The following PLXNC1 variants were observed in gnomAD, a reference collection of about 807,000 sequenced individuals.
The protein encoded by PLXNC1 is plexin-C1.
Under a neutral mutation model 178.2 loss-of-function variants are expected in PLXNC1, and 75 were observed. The observed-to-expected ratio is 0.42, with a 90% CI of 0.35 to 0.51. PLXNC1 has a LOEUF of 0.51. Among genes scored for constraint, PLXNC1 ranks in the 20% least tolerant of loss-of-function variants. PLXNC1 has a pLI of 0.02. For missense variants in PLXNC1, 1,503 were observed against 1,984.4 expected, an observed-to-expected ratio of 0.76 and a Z score of 4.61; for synonymous variants, 790 against 779.9, an observed-to-expected ratio of 1.01 and a Z score of -0.22.
chr12:94,207,613 C>A (rs567180613), intron 4 of PLXNC1, among the ~76,000 whole-genome samples: 2 of 152,310 alleles, frequency 1.3e-5, no homozygotes, highest in East Asian at 1.9e-4. Flanking sequence ...GACCTTCTCC[C>A]TTCTTTGAGG....
rs142574340 is a variant in PLXNC1 at position 94,174,016 on chromosome 12, A to G, written c.1203+4723A>G. On this transcript the variant is annotated intron_variant, in intron 2 of 30. Transcript: ENST00000258526. ...TTGAATGGTGTCAGCAGTAAAGACT[A>G]GTGTCTCCCCGACCTCCCAGGGACT... Among the ~76,000 whole-genome samples, 22 of 145,112 alleles carry G rather than the reference A, an allele frequency of 1.5e-4. 1 individual carries two copies. Among genetic ancestry groups the G allele is most frequent in the African/African-American group, 5.2e-4 (21 of 40,252 alleles).
At chr12:94,212,681 T>C (rs1963518295) in intron 5 of PLXNC1, among the ~76,000 whole-genome samples, 1 of 152,034 alleles carries the variant, frequency 6.6e-6, no homozygotes, top group Non-Finnish European at 1.5e-5. Flanking sequence ...TGCATAGTAT[T>C]CCATGGTGTA....
chr12:94,159,087 A>G (rs1961280958), intron 1 of PLXNC1, among the ~76,000 whole-genome samples: 1 of 152,236 alleles, frequency 6.6e-6, no homozygotes, highest in Non-Finnish European at 1.5e-5. Flanking sequence ...TTGTTCGAAT[A>G]CTTTCTTGAG....
chr12:94,249,931 G>C (rs866771756), intron 14 of PLXNC1, among the ~76,000 whole-genome samples: 64 of 116,442 alleles, frequency 5.5e-4, no homozygotes, highest in African/African-American at 1.5e-3. Flanking sequence ...GCACCAGTGT[G>C]GGGGGGTGGG....
chr12:94,261,629 C>T (rs1964989984), intron 20 of PLXNC1, among the ~76,000 whole-genome samples: 1 of 152,232 alleles, frequency 6.6e-6, no homozygotes, highest in Admixed American at 6.5e-5. Flanking sequence ...TCACCCAGCC[C>T]TCTGAGGCCC....
rs199722803 is a variant in PLXNC1, at chr12:94,149,543, C to T, written c.572C>T (p.Ala191Val). 2 of 1,543,724 alleles carry T rather than the reference C, an allele frequency of 1.3e-6. No individual in the cohort carries two copies. The highest frequency in any genetic ancestry group is 1.7e-6 in the Non-Finnish European group (2 of 1,150,542). The change falls in exon 1 of 31, where the codon GCG becomes GTG. Residue 191 changes from alanine (A) to valine (V), a missense_variant. This residue lies in a region of PLXNC1 where 73 missense variants were observed against 125.4 expected (regional missense o/e 0.58). Transcript: ENST00000258526. ...TACGTGCTGCCTGAGCCGGAGACGGCGAGCCGCTGCAACCCCGCGGCATCC... is the reference window on the plus strand; with the variant it reads ...TACGTGCTGCCTGAGCCGGAGACGGTGAGCCGCTGCAACCCCGCGGCATCC... ...ATYVLPEPET[A>V]SRCNPAASDH... is the part of the protein sequence containing the mutation.
At chr12:94,219,794 CTTTTA>C (rs1309885952) in intron 5 of PLXNC1, among the ~76,000 whole-genome samples, 1 of 117,396 alleles carries the variant, frequency 8.5e-6, no homozygotes, top group African/African-American at 2.9e-5. Flanking sequence ...AACATCTATT[CTTTTA>C]TATTTTTATT....
chr12:94,199,258 C>T (rs993011362), intron 4 of PLXNC1, among the ~76,000 whole-genome samples: 1 of 152,180 alleles, frequency 6.6e-6, no homozygotes, highest in Non-Finnish European at 1.5e-5. Context: ...CCTTTCCTTC[C>T]AATCCGGGAT....
chr12:94,263,089 C>A (rs539726568), intron 20 of PLXNC1, among the ~76,000 whole-genome samples: 1 of 152,164 alleles, frequency 6.6e-6, no homozygotes, highest in Non-Finnish European at 1.5e-5. Context: ...AGGGGAATCA[C>A]GTACGCAGCG....
At position 94,251,818 on chromosome 12, in the gene PLXNC1, C is replaced by T. The variant is rs551900371; in HGVS notation, c.2881+290C>T. On this transcript the variant is annotated intron_variant, in intron 15 of 30. Coordinates refer to ENST00000258526, the MANE Select transcript of PLXNC1 (RefSeq NM_005761.3). ...ACCAGCCTGGCCAACATGGCAAAACCCCGTCTCTACTAAAAATACAAAAAT... is the reference window on the plus strand; with the variant it reads ...ACCAGCCTGGCCAACATGGCAAAACTCCGTCTCTACTAAAAATACAAAAAT... 2.0e-4 allele frequency among the ~76,000 whole-genome samples: 30 copies of T among 152,252 alleles called. 1 individual carries two copies. In the South Asian group the frequency reaches 6.2e-3, roughly 32 times the overall value.
At position 94,167,526 on chromosome 12, in the gene PLXNC1, T is replaced by C. The variant is rs551061378; in HGVS notation, c.1063-1627T>C. Among the ~76,000 whole-genome samples, 8 of 152,344 alleles carry C rather than the reference T, an allele frequency of 5.3e-5. No individual in the cohort carries two copies. In the East Asian group the frequency reaches 1.3e-3, roughly 26 times the overall value. On this transcript the variant is annotated intron_variant, in intron 1 of 30. Transcript: ENST00000258526. ...GATCTTACGTTTGAACAATTCTGGATTTATTTTAAAGCAAGATGTGTGGCA... is the reference window on the plus strand; with the variant it reads ...GATCTTACGTTTGAACAATTCTGGACTTATTTTAAAGCAAGATGTGTGGCA...
intron 22 of PLXNC1, chr12:94,279,960 G>GA: frequency 2.2e-6 from 1 of 464,714 alleles, no homozygotes. Context: ...CTTGCATCAT[G>GA]AAATACAGAA....
Position 94,251,680 on chromosome 12 carries a change from A to G in PLXNC1, c.2881+152A>G, listed in dbSNP as rs1964693532. ...ACTTTGAGAAACGAATAATAGGTAC[A>G]CGCTGAGGGCTTTCTAAACATTTCT... On this transcript the variant is annotated intron_variant, in intron 15 of 30. Transcript: ENST00000258526. 6 of 644,368 alleles carry G rather than the reference A, an allele frequency of 9.3e-6. No individual in the cohort carries two copies. The South Asian group carries it at 1.1e-4, about 12-fold the overall frequency. The allele number at this position is 644,368 out of a possible 1,614,324, so 39.9% of individuals were successfully genotyped here. A position where few individuals can be genotyped will look rare whatever the true frequency, so the allele number is the denominator to read the frequency against.
intron 2 of PLXNC1, chr12:94,176,494 T>G (rs1304172308): frequency 1.3e-5 from 2 of 152,216 alleles, no homozygotes; most frequent in East Asian, 3.8e-4. Context: ...AAACTTCCTC[T>G]TGTCCTGTCC....
Position 94,257,878 on chromosome 12 carries a change from C to T in PLXNC1, c.3088-1459C>T, listed in dbSNP as rs181519706. On this transcript the variant is annotated intron_variant, in intron 17 of 30. Transcript: ENST00000258526. Reference sequence around the variant, plus strand: ...GCCGAGATAGCGCCACACTGCACTCCAGCCTGGGCGACAGAGCGAGACTCT... The same window carrying T: ...GCCGAGATAGCGCCACACTGCACTCTAGCCTGGGCGACAGAGCGAGACTCT... 4.7e-4 allele frequency among the ~76,000 whole-genome samples: 71 copies of T among 151,788 alleles called. 1 individual carries two copies. The South Asian group carries it at 0.014, about 30-fold the overall frequency.
chr12:94,282,527 G>A (rs920843315), intron 23 of PLXNC1, 126 bp downstream of exon 23: 1 of 659,806 alleles, frequency 1.5e-6, no homozygotes, highest in African/African-American at 1.8e-5. Flanking sequence ...TCGTGTCTGG[G>A]GCTGAAGTTT....
chr12:94,259,061 C>G (rs984123673), intron 17 of PLXNC1, among the ~76,000 whole-genome samples: 3 of 152,188 alleles, frequency 2.0e-5, no homozygotes, highest in Non-Finnish European at 4.4e-5. Context: ...ATCACTTCTT[C>G]TAAAACGTGG....
chr12:94,253,633 G>A (rs1964762100), intron 15 of PLXNC1, among the ~76,000 whole-genome samples: 1 of 151,514 alleles, frequency 6.6e-6, no homozygotes, highest in Non-Finnish European at 1.5e-5. Context: ...AGCCATATTT[G>A]TTTCCTCCAG....
At position 94,277,535 on chromosome 12, in the gene PLXNC1, C is replaced by T. The variant is rs537367517; in HGVS notation, c.3598-1937C>T. On this transcript the variant is annotated intron_variant, in intron 21 of 30. Coordinates refer to ENST00000258526, the MANE Select transcript of PLXNC1 (RefSeq NM_005761.3). ...TATGCCCTCTTTGCAGATGAGAAAG[C>T]GACATACACAGAGGTTACACAGCTG... is the stretch of plus-strand genomic sequence containing the variant. 7.2e-5 allele frequency among the ~76,000 whole-genome samples: 11 copies of T among 152,256 alleles called. No homozygotes were observed. In the South Asian group the frequency reaches 2.3e-3, roughly 32 times the overall value.
Sources: gnomAD v4.1 joint callset for allele counts (sites outside exome capture counted in the v4.1 genomes callset) on GRCh38, gnomAD v4.1.1 for gene constraint, gnomAD v4.1.1 regional missense constraint, MANE v1.5 for transcripts, NCBI Gene and HGNC (gene_info 2026-07-23, HGNC 2026-07-21) for gene names.